The following MAST2 variants were observed in gnomAD, a reference collection of about 807,000 sequenced individuals.
MAST2 encodes microtubule associated serine/threonine kinase 2.
A neutral mutation model predicts 147.4 loss-of-function variants in MAST2; 70 were observed. The ratio of observed to expected loss-of-function variants is 0.47; its 90% CI spans 0.39 to 0.58. The LOEUF (loss-of-function observed/expected upper bound fraction) is 0.58, where lower values mean the gene tolerates loss of function less well. Among genes scored for constraint, MAST2 ranks in the 20% least tolerant of loss-of-function variants. MAST2 has a pLI of 0.00. For synonymous variants in MAST2, 869 were observed against 896.8 expected, an observed-to-expected ratio of 0.97 and a Z score of 0.55; for missense variants, 2,080 against 2,302.3, an observed-to-expected ratio of 0.90 and a Z score of 1.98.
chr1:46,003,338 C>G (rs1298282298), intron 7 of MAST2, among the ~76,000 whole-genome samples: 1 of 152,092 alleles, frequency 6.6e-6, no homozygotes, highest in African/African-American at 2.4e-5. Flanking sequence ...ATTTGATATC[C>G]AAGTTTGATG....
chr1:45,913,127 C>CA (rs1487528540), intron 4 of MAST2, among the ~76,000 whole-genome samples: 28 of 152,188 alleles, frequency 1.8e-4, no homozygotes, highest in African/African-American at 6.5e-4. Context: ...AGAAATTGAA[C>CA]AAAAAATGGC....
At chr1:45,818,055 G>A (rs1042394197) in intron 1 of MAST2, among the ~76,000 whole-genome samples, 1 of 152,206 alleles carries the variant, frequency 6.6e-6, no homozygotes, top group Non-Finnish European at 1.5e-5. Context: ...TGGTTGGTGA[G>A]AGGTTAGGTG....
At chr1:45,896,701 C>T (rs1648798984) in intron 4 of MAST2, among the ~76,000 whole-genome samples, 1 of 152,186 alleles carries the variant, frequency 6.6e-6, no homozygotes, top group African/African-American at 2.4e-5. Flanking sequence ...AAGACTGTAA[C>T]TAGGGCTATG....
intron 5 of MAST2, among the ~76,000 whole-genome samples, chr1:45,974,473 G>C (rs566000863): frequency 1.3e-5 from 2 of 152,176 alleles, no homozygotes; most frequent in South Asian, 2.1e-4. Flanking sequence ...TTGCATACCT[G>C]TAGTTCCAGC....
chr1:45,825,117 C>T (rs1399199018), intron 2 of MAST2, among the ~76,000 whole-genome samples: 3 of 151,956 alleles, frequency 2.0e-5, no homozygotes, highest in African/African-American at 7.2e-5. Flanking sequence ...GCTCCGCCTC[C>T]CGGATTCATG....
At chr1:45,833,044 A>G (rs922567833) in intron 3 of MAST2, among the ~76,000 whole-genome samples, 2 of 125,716 alleles carry the variant, frequency 1.6e-5, no homozygotes, top group Admixed American at 1.7e-4. Flanking sequence ...ATCAAATCAA[A>G]TATGTGGCCT....
intron 3 of MAST2, among the ~76,000 whole-genome samples, chr1:45,856,518 A>C (rs746499683): frequency 6.6e-6 from 1 of 152,138 alleles, no homozygotes; most frequent in Non-Finnish European, 1.5e-5. Context: ...GTTTACTTGC[A>C]TGCCTTGTAA....
rs371488561 is a variant in MAST2 at position 46,015,164 on chromosome 1, G to A, written c.1188+4225G>A. Among the ~76,000 whole-genome samples the A allele has an allele frequency of 4.2e-4, 63 of 150,702 alleles. 1 individual carries two copies. The highest frequency in any genetic ancestry group is 1.3e-3 in the African/African-American group (54 of 40,998). On this transcript the variant is annotated intron_variant, in intron 10 of 28. Coordinates refer to ENST00000361297, the MANE Select transcript of MAST2 (RefSeq NM_015112.3). The stretch of plus-strand genomic sequence containing the variant: ...CACAACATACCAGAATCTCTGGGAC[G>A]CATTCAAAGCAGTGTGTAGAGGGAA...
intron 5 of MAST2, among the ~76,000 whole-genome samples, chr1:45,985,005 A>G (rs530281102): frequency 1.3e-5 from 2 of 151,980 alleles, no homozygotes; most frequent in East Asian, 3.9e-4. Flanking sequence ...TTATTTTTAA[A>G]CAAATGTTAC....
chr1:45,833,594 A>G (rs1287004730), intron 3 of MAST2, among the ~76,000 whole-genome samples: 1 of 152,124 alleles, frequency 6.6e-6, no homozygotes, highest in Non-Finnish European at 1.5e-5. Context: ...TCATTTGAAG[A>G]ACTTTGATTT....
At chr1:46,009,803 C>T (rs895518867) in intron 9 of MAST2, among the ~76,000 whole-genome samples, 2 of 152,178 alleles carry the variant, frequency 1.3e-5, no homozygotes, top group African/African-American at 2.4e-5. Flanking sequence ...CATGTAGACA[C>T]ACCACATATA....
At chr1:45,992,835 G>GT (rs1362600221) in intron 5 of MAST2, among the ~76,000 whole-genome samples, 1 of 151,884 alleles carries the variant, frequency 6.6e-6, no homozygotes, top group African/African-American at 2.4e-5. Context: ...TATTCCACCT[G>GT]TTTTTTTCTC....
At chr1:45,875,248 C>G (rs1256372829) in intron 3 of MAST2, among the ~76,000 whole-genome samples, 2 of 152,130 alleles carry the variant, frequency 1.3e-5, no homozygotes, top group East Asian at 3.9e-4. Flanking sequence ...GAGTTCGAGA[C>G]CAGCCTTACC....
intron 5 of MAST2, among the ~76,000 whole-genome samples, chr1:45,976,763 T>C (rs1333098916): frequency 6.6e-6 from 1 of 152,154 alleles, no homozygotes; most frequent in East Asian, 1.9e-4. Flanking sequence ...ATAAAGAAAA[T>C]ATATGACTAT....
At chr1:45,843,120 C>T (rs899312058) in intron 3 of MAST2, among the ~76,000 whole-genome samples, 84 of 151,376 alleles carry the variant, frequency 5.5e-4, no homozygotes, top group African/African-American at 2.0e-3. Flanking sequence ...AGTCCTTTGC[C>T]CATTTTTTTT....
At chr1:45,886,530 T>A (rs1454711555) in intron 4 of MAST2, among the ~76,000 whole-genome samples, 2 of 152,076 alleles carry the variant, frequency 1.3e-5, no homozygotes, top group East Asian at 3.9e-4. Flanking sequence ...ATCATTTTCA[T>A]TTTTAGAAAG....
At chr1:45,986,126 A>G (rs926790942) in intron 5 of MAST2, among the ~76,000 whole-genome samples, 1 of 152,178 alleles carries the variant, frequency 6.6e-6, no homozygotes, top group Non-Finnish European at 1.5e-5. Context: ...ATCTTAGAGC[A>G]TTTTGTCTTT....
rs544271175 is a variant in MAST2, at chr1:45,963,943, C to T, written c.592+4466C>T. On this transcript the variant is annotated intron_variant, in intron 5 of 28. Coordinates refer to ENST00000361297, the MANE Select transcript of MAST2 (RefSeq NM_015112.3). The stretch of plus-strand genomic sequence containing the variant: ...AGCATGAAGTGCTGTTGAATTTTGT[C>T]GAAGGCCTTTTCTGCATCTATTGAG... 2.0e-4 allele frequency among the ~76,000 whole-genome samples: 31 copies of T among 152,232 alleles called. 1 individual carries two copies. In the South Asian group the frequency reaches 4.4e-3, roughly 21 times the overall value.
intron 10 of MAST2, 86 bp from the exon 11 acceptor site, chr1:46,019,509 TC>T: frequency 9.8e-7 from 1 of 1,018,640 alleles, no homozygotes; most frequent in Non-Finnish European, 1.5e-6. Flanking sequence ...GAATTGTTTC[TC>T]CCTGGAGTCA....
Sources: gnomAD v4.1 joint callset for allele counts (sites outside exome capture counted in the v4.1 genomes callset) on GRCh38, gnomAD v4.1.1 for gene constraint, MANE v1.5 for transcripts, NCBI Gene and HGNC (gene_info 2026-07-23, HGNC 2026-07-21) for gene names.